GALNT10: variants seen among roughly 807,000 people sequenced by gnomAD.
GALNT10 encodes polypeptide N-acetylgalactosaminyltransferase 10, also known as GalNAc transferase 10.
A neutral mutation model predicts 75.0 loss-of-function variants in GALNT10; 41 were observed. That is an observed-to-expected ratio of 0.55 (90% CI 0.43 to 0.71). GALNT10 has a LOEUF of 0.71. Among genes scored for constraint, GALNT10 ranks in the 30% least tolerant of loss-of-function variants. GALNT10 has a pLI of 0.00. For missense variants in GALNT10, 727 were observed against 818.5 expected, an observed-to-expected ratio of 0.89 and a Z score of 1.36; for synonymous variants, 302 against 313.0, an observed-to-expected ratio of 0.96 and a Z score of 0.37.
intron 1 of GALNT10, among the ~76,000 whole-genome samples, chr5:154,283,643 C>A (rs1029671513): frequency 3.9e-5 from 6 of 152,126 alleles, no homozygotes; most frequent in Non-Finnish European, 7.4e-5. Context: ...AGGCCAACAT[C>A]ATTGTCCAGG....
Position 154,190,799 on chromosome 5 carries a change from G to GGGCGGACC in GALNT10, c.-61_-60insCGGCGGAC. On this transcript the variant is annotated 5_prime_UTR_variant, in exon 1 of 12. Coordinates refer to ENST00000297107, the MANE Select transcript of GALNT10 (RefSeq NM_198321.4). The stretch of plus-strand genomic sequence containing the variant: ...GAGCTGCTGCCGCCGCCGGGCGGAC[G>GGGCGGACC]GGCGGACGCGCGGAGCTGGGGGCGG... 2.4e-6 allele frequency: 2 copies of GGGCGGACC among 847,892 alleles called. No homozygotes were observed. Among genetic ancestry groups the GGGCGGACC allele is most frequent in the Non-Finnish European group, 2.9e-6 (2 of 700,516 alleles). 52.5% of individuals were successfully genotyped at this position (847,892 alleles called of 1,614,324 possible). A position where few individuals can be genotyped will look rare whatever the true frequency, so the allele number is the denominator to read the frequency against.
At chr5:154,216,094 T>A (rs1486497424) in intron 1 of GALNT10, among the ~76,000 whole-genome samples, 1 of 152,160 alleles carries the variant, frequency 6.6e-6, no homozygotes, top group Non-Finnish European at 1.5e-5. Flanking sequence ...CTGTTCAAGA[T>A]GTTATGGTGA....
chr5:154,263,291 C>T (rs1266876825), intron 1 of GALNT10, among the ~76,000 whole-genome samples: 2 of 152,150 alleles, frequency 1.3e-5, no homozygotes, highest in African/African-American at 4.8e-5. Flanking sequence ...TGTATATATA[C>T]CGACTGTGGA....
chr5:154,376,513 C>A lies in GALNT10; in HGVS notation c.754+51C>A. ...GGAGGCAAACTGCAATGAGCCAGTGCCAGTGGCCCCCTCCTGCTGCAGGGA... is the reference window on the plus strand; with the variant it reads ...GGAGGCAAACTGCAATGAGCCAGTGACAGTGGCCCCCTCCTGCTGCAGGGA... On this transcript the variant is annotated intron_variant, in intron 5 of 11. Coordinates refer to ENST00000297107, the MANE Select transcript of GALNT10 (RefSeq NM_198321.4). The surrounding 1 kb of genome is among the most constrained non-coding windows in gnomAD (Gnocchi z 4.1). 7.5e-7 allele frequency: 1 copy of A among 1,337,702 alleles called. No individual in the cohort carries two copies. Among genetic ancestry groups the A allele is most frequent in the Non-Finnish European group, 1.0e-6 (1 of 973,880 alleles). 82.9% of individuals were successfully genotyped at this position (1,337,702 alleles called of 1,614,324 possible).
rs1774843872 is a variant in GALNT10 at position 154,190,798 on chromosome 5, C to CGGGCGGAG, written c.-62_-61insGGGGCGGA. On this transcript the variant is annotated 5_prime_UTR_variant, in exon 1 of 12. Transcript: ENST00000297107. ...TGAGCTGCTGCCGCCGCCGGGCGGA[C>CGGGCGGAG]GGGCGGACGCGCGGAGCTGGGGGCG... The CGGGCGGAG allele has an allele frequency of 4.8e-6, 4 of 835,918 alleles. No individual in the cohort carries two copies. The highest frequency in any genetic ancestry group is 6.2e-5 in the Admixed American group (1 of 16,164). The allele number at this position is 835,918 out of a possible 1,614,324, so 51.8% of individuals were successfully genotyped here.
chr5:154,381,379 A>G (rs1360724229), intron 6 of GALNT10, among the ~76,000 whole-genome samples: 3 of 152,206 alleles, frequency 2.0e-5, no homozygotes, highest in Non-Finnish European at 4.4e-5. Context: ...TGGTGCTCCA[A>G]GCTCTGGAAG....
intron 3 of GALNT10, among the ~76,000 whole-genome samples, chr5:154,299,235 A>C (rs1754326725): frequency 6.6e-6 from 1 of 152,228 alleles, no homozygotes; most frequent in Non-Finnish European, 1.5e-5. Context: ...CAGATTTACC[A>C]AATCAAAGCT....
intron 1 of GALNT10, among the ~76,000 whole-genome samples, chr5:154,273,232 C>T (rs1159003510): frequency 1.3e-5 from 2 of 152,106 alleles, no homozygotes; most frequent in Middle Eastern, 3.2e-3. Flanking sequence ...GTCTAGTGGC[C>T]CAGTTACTTG....
rs1367062450 is a variant in GALNT10 at position 154,402,234 on chromosome 5, C to T, written c.1057-1870C>T. ...GCGTCTCTGGCCTCCCCTCCCATCCCTCTTCCCCTTTCTCCCTCTGCTCCT... is the reference window on the plus strand; with the variant it reads ...GCGTCTCTGGCCTCCCCTCCCATCCTTCTTCCCCTTTCTCCCTCTGCTCCT... On this transcript the variant is annotated intron_variant, in intron 7 of 11. Transcript: ENST00000297107. This position sits in a 1 kb window ranked among gnomAD's most constrained non-coding sequence, Gnocchi z 4.2. 1.3e-5 allele frequency among the ~76,000 whole-genome samples: 2 copies of T among 152,202 alleles called. No homozygotes were observed. Among genetic ancestry groups the T allele is most frequent in the African/African-American group, 4.8e-5 (2 of 41,454 alleles).
At chr5:154,274,688 A>G (rs958705413) in intron 1 of GALNT10, among the ~76,000 whole-genome samples, 6 of 152,208 alleles carry the variant, frequency 3.9e-5, no homozygotes, top group Non-Finnish European at 8.8e-5. Flanking sequence ...CAGCTCAGGA[A>G]TTGCAAATTG....
At chr5:154,294,460 A>C (rs1754244804) in intron 1 of GALNT10, among the ~76,000 whole-genome samples, 1 of 152,246 alleles carries the variant, frequency 6.6e-6, no homozygotes, top group African/African-American at 2.4e-5. Flanking sequence ...TACTTTTTTA[A>C]ATGTGGATAC....
At chr5:154,332,563 G>A (rs12658598) in intron 4 of GALNT10, among the ~76,000 whole-genome samples, 62,268 of 152,082 alleles carry the variant, frequency 0.41, 15,163 homozygotes, top group East Asian at 0.63. Flanking sequence ...TTGTTGAGCT[G>A]TTTATTCATT....
Position 154,294,983 on chromosome 5 carries a change from T to G in GALNT10, c.262+65T>G, listed in dbSNP as rs1020162394. On this transcript the variant is annotated intron_variant, in intron 2 of 11. Coordinates refer to ENST00000297107, the MANE Select transcript of GALNT10 (RefSeq NM_198321.4). ...GGGCATATGCACATATGCTTGTGTG[T>G]GTGTGTGTGTGTGTGTGTGTGTGTG... is the stretch of plus-strand genomic sequence containing the variant. 16 of 578,530 alleles carry G rather than the reference T, an allele frequency of 2.8e-5. No homozygotes were observed. The East Asian group carries it at 4.0e-4, about 14-fold the overall frequency. 35.8% of individuals were successfully genotyped at this position (578,530 alleles called of 1,614,324 possible). A position where few individuals can be genotyped will look rare whatever the true frequency, so the allele number is the denominator to read the frequency against.
chr5:154,375,366 C>A (rs1301596460), intron 4 of GALNT10, among the ~76,000 whole-genome samples: 1 of 152,170 alleles, frequency 6.6e-6, no homozygotes, highest in Non-Finnish European at 1.5e-5. Context: ...TAAAGGACCC[C>A]AAGCCTGATT....
chr5:154,264,259 G>A (rs143272115), intron 1 of GALNT10, among the ~76,000 whole-genome samples: 190 of 145,744 alleles, frequency 1.3e-3, no homozygotes, highest in African/African-American at 4.6e-3. Context: ...GTTGCAGTGA[G>A]CTGAGATCAT....
At chr5:154,393,861 A>G (rs1755958244) in intron 7 of GALNT10, among the ~76,000 whole-genome samples, 1 of 152,010 alleles carries the variant, frequency 6.6e-6, no homozygotes, top group African/African-American at 2.4e-5. Flanking sequence ...GAAAAAAAAA[A>G]TAAGAAAATG....
chr5:154,413,029 G>A (rs1167050035), intron 10 of GALNT10, 24 bp downstream of exon 10: 1 of 1,445,146 alleles, frequency 6.9e-7, no homozygotes, highest in Non-Finnish European at 9.7e-7. Context: ...CTCAGGGACT[G>A]GCAGCCAGGT....
At chr5:154,406,877 T>C (rs1255838866) in intron 8 of GALNT10, among the ~76,000 whole-genome samples, 2 of 152,108 alleles carry the variant, frequency 1.3e-5, no homozygotes, top group African/African-American at 4.8e-5. Flanking sequence ...ATCATTTTGA[T>C]AGATTTGAGA....
chr5:154,264,046 C>T (rs969592277), intron 1 of GALNT10, among the ~76,000 whole-genome samples: 8 of 152,128 alleles, frequency 5.3e-5, no homozygotes, highest in African/African-American at 1.4e-4. Context: ...GGTGTGATGG[C>T]TTATACCTGT....
Sources: gnomAD v4.1 joint callset for allele counts (sites outside exome capture counted in the v4.1 genomes callset) on GRCh38, gnomAD v4.1.1 for gene constraint, Gnocchi (gnomAD v3.1) non-coding constraint, MANE v1.5 for transcripts, NCBI Gene and HGNC (gene_info 2026-07-23, HGNC 2026-07-21) for gene names.